BARX2: variants seen among roughly 807,000 people sequenced by gnomAD.
BARX2 encodes homeobox protein BarH-like 2.
A neutral mutation model predicts 25.5 loss-of-function variants in BARX2; 11 were observed. The observed-to-expected ratio is 0.43, with a 90% CI of 0.27 to 0.71. The LOEUF (loss-of-function observed/expected upper bound fraction) is 0.71, where lower values mean the gene tolerates loss of function less well. Among genes scored for constraint, BARX2 ranks in the 30% least tolerant of loss-of-function variants. The pLI, the probability that BARX2 is intolerant of heterozygous loss-of-function variation, is 0.19. For missense variants in BARX2, 360 were observed against 359.9 expected, an observed-to-expected ratio of 1.00 and a Z score of 0.00; for synonymous variants, 137 against 149.5, an observed-to-expected ratio of 0.92 and a Z score of 0.61.
At chr11:129,433,224 TC>T (rs1455965026) in intron 1 of BARX2, among the ~76,000 whole-genome samples, 2 of 152,206 alleles carry the variant, frequency 1.3e-5, no homozygotes, top group Non-Finnish European at 2.9e-5. Context: ...GTCAGGCCTC[TC>T]CTGGCAACTC....
At chr11:129,443,445 C>G (rs7130717) in intron 3 of BARX2, among the ~76,000 whole-genome samples, 87,834 of 151,870 alleles carry the variant, frequency 0.58, 25,996 homozygotes, top group East Asian at 0.89. Flanking sequence ...TGTGCGTCCT[C>G]TAACGCAGTG....
intron 1 of BARX2, among the ~76,000 whole-genome samples, chr11:129,400,319 G>A (rs987208522): frequency 6.6e-5 from 10 of 152,104 alleles, no homozygotes; most frequent in Admixed American, 2.6e-4. Context: ...TAAGCATGGC[G>A]GCACCATGGG....
chr11:129,411,550 A>G (rs1436022601), intron 1 of BARX2, among the ~76,000 whole-genome samples: 2 of 152,224 alleles, frequency 1.3e-5, no homozygotes, highest in Non-Finnish European at 2.9e-5. Flanking sequence ...GAAAATAGTA[A>G]GAATCGGGAT....
At position 129,451,308 on chromosome 11, in the gene BARX2, C is replaced by A. The variant is rs148675839; in HGVS notation, c.746C>A (p.Pro249Gln). 8.1e-6 allele frequency: 13 copies of A among 1,614,002 alleles called. No homozygotes were observed. The highest frequency in any genetic ancestry group is 1.3e-5 in the African/African-American group (1 of 74,898). ...GAGGAGCTCTGTGAAGCACAGGAAC[C>A]GAAAGCACGTGATGTCCCCTTAGAG... is the stretch of plus-strand genomic sequence containing the variant. Reference protein sequence around the residue: ...GQEELCEAQEPKARDVPLEMA... With the variant: ...GQEELCEAQEQKARDVPLEMA... The change falls in exon 4 of 4, where the codon CCG becomes CAG. Residue 249 changes from proline (P) to glutamine (Q), a missense_variant. This residue lies in a region of BARX2 where 114 missense variants were observed against 109.4 expected (regional missense o/e 1.04). Transcript: ENST00000281437.
chr11:129,379,922 C>CTA (rs1327843347), intron 1 of BARX2, among the ~76,000 whole-genome samples: 11 of 152,132 alleles, frequency 7.2e-5, no homozygotes, highest in Admixed American at 7.2e-4. Flanking sequence ...TTCCACTAAC[C>CTA]TATAATCTAA....
At chr11:129,444,724 C>T (rs3019119) in intron 3 of BARX2, among the ~76,000 whole-genome samples, 1 of 151,932 alleles carries the variant, frequency 6.6e-6, no homozygotes, top group African/African-American at 2.4e-5. Context: ...GGAAGTGGCC[C>T]GGCACGGTGG....
At chr11:129,446,128 A>G (rs1261032926) in intron 3 of BARX2, among the ~76,000 whole-genome samples, 2 of 152,048 alleles carry the variant, frequency 1.3e-5, no homozygotes, top group Non-Finnish European at 2.9e-5. Flanking sequence ...TGGGATGCGC[A>G]CCCTCTATTC....
At chr11:129,429,101 C>A (rs1379356835) in intron 1 of BARX2, among the ~76,000 whole-genome samples, 1 of 151,444 alleles carries the variant, frequency 6.6e-6, no homozygotes, top group Non-Finnish European at 1.5e-5. Context: ...AAATAACCAG[C>A]AATTGCTTTT....
intron 1 of BARX2, among the ~76,000 whole-genome samples, chr11:129,429,743 C>T (rs1862108785): frequency 2.0e-5 from 3 of 152,026 alleles, no homozygotes; most frequent in South Asian, 4.2e-4. Flanking sequence ...ATAATATAAC[C>T]CAACTATTTC....
chr11:129,377,276 T>G (rs1018148980), intron 1 of BARX2, among the ~76,000 whole-genome samples: 7 of 152,194 alleles, frequency 4.6e-5, no homozygotes, highest in African/African-American at 1.7e-4. Flanking sequence ...TTTGGAACAT[T>G]TGAGTTGTTA....
chr11:129,421,188 T>C (rs920739326), intron 1 of BARX2, among the ~76,000 whole-genome samples: 2 of 152,216 alleles, frequency 1.3e-5, no homozygotes, highest in African/African-American at 4.8e-5. Flanking sequence ...ATCTTATTGC[T>C]GTTATTCCTG....
Position 129,390,092 on chromosome 11 carries a change from T to C in BARX2, c.187+13870T>C, listed in dbSNP as rs1861652622. Among the ~76,000 whole-genome samples, 1 of 152,234 alleles carries C rather than the reference T, an allele frequency of 6.6e-6. No individual in the cohort carries two copies. Among genetic ancestry groups the C allele is most frequent in the Admixed American group, 6.5e-5 (1 of 15,278 alleles). On this transcript the variant is annotated intron_variant, in intron 1 of 3. Coordinates refer to ENST00000281437, the MANE Select transcript of BARX2 (RefSeq NM_003658.5). This position sits in a 1 kb window ranked among gnomAD's most constrained non-coding sequence, Gnocchi z 4.3. ...AGTATCTGCTGGTGAAATACTTTAA[T>C]TGATGAATCCCCTCCACGGTGTGAG... is the stretch of plus-strand genomic sequence containing the variant.
At chr11:129,420,064 G>A (rs1861987130) in intron 1 of BARX2, among the ~76,000 whole-genome samples, 1 of 152,030 alleles carries the variant, frequency 6.6e-6, no homozygotes, top group Middle Eastern at 3.2e-3. Flanking sequence ...GAGCACAAAG[G>A]CATGAGCCAC....
intron 1 of BARX2, among the ~76,000 whole-genome samples, chr11:129,399,154 A>G (rs1415803914): frequency 6.6e-6 from 1 of 152,178 alleles, no homozygotes; most frequent in Non-Finnish European, 1.5e-5. Context: ...TCAGTGGAAT[A>G]TTGAATTCAT....
intron 1 of BARX2, among the ~76,000 whole-genome samples, chr11:129,391,806 C>G (rs1449452271): frequency 1.3e-5 from 2 of 152,196 alleles, no homozygotes; most frequent in Non-Finnish European, 2.9e-5. Flanking sequence ...GGGACTTTCT[C>G]TTTGCTGCTG....
chr11:129,381,454 A>G (rs1384102438), intron 1 of BARX2, among the ~76,000 whole-genome samples: 1 of 152,132 alleles, frequency 6.6e-6, no homozygotes, highest in Non-Finnish European at 1.5e-5. Context: ...GAATTGGGAT[A>G]GGGGAACATC....
At chr11:129,419,135 C>T (rs769355310) in intron 1 of BARX2, among the ~76,000 whole-genome samples, 9 of 152,300 alleles carry the variant, frequency 5.9e-5, no homozygotes, top group South Asian at 2.1e-4. Flanking sequence ...TGTCCAGGGC[C>T]GGCCCCCGCC....
chr11:129,386,623 C>A (rs1861618631), intron 1 of BARX2, among the ~76,000 whole-genome samples: 1 of 152,172 alleles, frequency 6.6e-6, no homozygotes, highest in Non-Finnish European at 1.5e-5. Context: ...GAGGAGTAAA[C>A]CTGGACCACA....
intron 1 of BARX2, among the ~76,000 whole-genome samples, chr11:129,392,306 G>C (rs1035976931): frequency 5.9e-5 from 9 of 152,242 alleles, no homozygotes; most frequent in Non-Finnish European, 1.3e-4. Context: ...CCTGTGCACT[G>C]TCGGGCTTAC....
Sources: gnomAD v4.1 joint callset for allele counts (sites outside exome capture counted in the v4.1 genomes callset) on GRCh38, gnomAD v4.1.1 for gene constraint, gnomAD v4.1.1 regional missense constraint, Gnocchi (gnomAD v3.1) non-coding constraint, MANE v1.5 for transcripts, NCBI Gene and HGNC (gene_info 2026-07-23, HGNC 2026-07-21) for gene names.